Variants in MVB12B observed in about 807,000 individuals in gnomAD.
The protein encoded by MVB12B is multivesicular body subunit 12B.
In MVB12B, 16 loss-of-function variants were observed where a neutral mutation model predicts 41.6. The observed-to-expected ratio is 0.38, with a 90% CI of 0.26 to 0.58. The LOEUF is 0.58. Among genes scored for constraint, MVB12B ranks in the 20% least tolerant of loss-of-function variants. MVB12B has a pLI of 0.62. For synonymous variants in MVB12B, 133 were observed against 139.7 expected (o/e 0.95, Z 0.34); for missense variants, 274 against 380.2 (o/e 0.72, Z 2.32).
intron 7 of MVB12B, among the ~76,000 whole-genome samples, chr9:126,475,329 A>C (rs750206937): frequency 2.0e-4 from 31 of 152,296 alleles, no homozygotes; most frequent in Non-Finnish European, 4.3e-4. Flanking sequence ...CACAGGGGTC[A>C]CTTAAGGTTA....
intron 6 of MVB12B, among the ~76,000 whole-genome samples, chr9:126,408,767 T>A (rs1203644190): frequency 6.6e-6 from 1 of 152,050 alleles, no homozygotes; most frequent in African/African-American, 2.4e-5. Flanking sequence ...TCACGTAGAA[T>A]CACATAGTAT....
chr9:126,436,728 GGC>G lies in MVB12B; in HGVS notation c.757+14781_757+14782del, dbSNP rs1832488594. Among the ~76,000 whole-genome samples the G allele has an allele frequency of 6.6e-6, 1 of 152,204 alleles. No homozygotes were observed. Among genetic ancestry groups the G allele is most frequent in the Non-Finnish European group, 1.5e-5 (1 of 68,038 alleles). ...TGTCTGGCAGTCCAGTCCACTTGTG[GGC>G]ACAGTGGCTGGCCCCTGCAGAGCCT... On this transcript the variant is annotated intron_variant, in intron 7 of 9. Transcript: ENST00000361171. This position sits in a 1 kb window ranked among gnomAD's most constrained non-coding sequence, Gnocchi z 4.1.
At chr9:126,446,369 G>A (rs1034141253) in intron 7 of MVB12B, among the ~76,000 whole-genome samples, 2 of 151,938 alleles carry the variant, frequency 1.3e-5, no homozygotes, top group African/African-American at 4.8e-5. Flanking sequence ...TGCTATTTAA[G>A]TTAGGATTTG....
intron 7 of MVB12B, among the ~76,000 whole-genome samples, chr9:126,453,066 G>T (rs1405830132): frequency 2.0e-5 from 3 of 151,720 alleles, no homozygotes; most frequent in African/African-American, 4.8e-5. Context: ...TATCAAGAGG[G>T]GCTGAAAATG....
At position 126,505,221 on chromosome 9, in the gene MVB12B, G is replaced by A. The variant is rs1457825054; in HGVS notation, c.*1958G>A. ...CCCCCATGACTGGGAAGAGGCCTGTGGCAGCGCCGCTGGACCCTAGGAGGC... is the reference window on the plus strand; with the variant it reads ...CCCCCATGACTGGGAAGAGGCCTGTAGCAGCGCCGCTGGACCCTAGGAGGC... On this transcript the variant is annotated 3_prime_UTR_variant, in exon 10 of 10. Transcript: ENST00000361171. The A allele has an allele frequency of 6.6e-6, 1 of 152,240 alleles. No homozygotes were observed. Among genetic ancestry groups the A allele is most frequent in the East Asian group, 1.9e-4 (1 of 5,196 alleles). 9.4% of individuals were successfully genotyped at this position (152,240 alleles called of 1,614,324 possible).
At chr9:126,482,572 T>C (rs1020260174) in intron 8 of MVB12B, among the ~76,000 whole-genome samples, 3 of 150,828 alleles carry the variant, frequency 2.0e-5, no homozygotes, top group African/African-American at 7.5e-5. Context: ...TCTGTCCTGC[T>C]CACCAGCTCC....
intron 6 of MVB12B, among the ~76,000 whole-genome samples, chr9:126,399,732 C>G (rs1831216077): frequency 6.6e-6 from 1 of 152,182 alleles, no homozygotes; most frequent in Non-Finnish European, 1.5e-5. Context: ...GAGGAGTCCC[C>G]TGGTGGGCTG....
chr9:126,496,219 A>T (rs1455107841), intron 9 of MVB12B, among the ~76,000 whole-genome samples: 1 of 41,528 alleles, frequency 2.4e-5, no homozygotes, highest in Non-Finnish European at 5.0e-5. Context: ...CCGTCCATCC[A>T]CCCACCCATC....
intron 7 of MVB12B, among the ~76,000 whole-genome samples, chr9:126,464,264 C>A (rs1213369250): frequency 6.6e-6 from 1 of 152,118 alleles, no homozygotes; most frequent in African/African-American, 2.4e-5. Context: ...AGTTCACAAG[C>A]AGGTATATAG....
rs1016353605 is a variant in MVB12B, at chr9:126,333,430, G to A, written c.81+6420G>A. ...TTACTTATTTATTTTTTTGAGATGA[G>A]GTCTGGCTCTGTCACCCAGCCTGGA... On this transcript the variant is annotated intron_variant, in intron 1 of 9. Coordinates refer to ENST00000361171, the MANE Select transcript of MVB12B (RefSeq NM_033446.3). This position sits in a 1 kb window ranked among gnomAD's most constrained non-coding sequence, Gnocchi z 4.7. Among the ~76,000 whole-genome samples the A allele has an allele frequency of 6.7e-6, 1 of 149,734 alleles. No individual in the cohort carries two copies. Among genetic ancestry groups the A allele is most frequent in the Non-Finnish European group, 1.5e-5 (1 of 67,512 alleles).
intron 9 of MVB12B, among the ~76,000 whole-genome samples, chr9:126,495,002 G>C (rs1335537760): frequency 1.3e-5 from 2 of 151,968 alleles, no homozygotes; most frequent in African/African-American, 4.8e-5. Flanking sequence ...GATCAGTCTG[G>C]ACAACATGGT....
Position 126,506,323 on chromosome 9 carries a change from T to C in MVB12B, c.*3060T>C, listed in dbSNP as rs1588222306. ...AAAAACAGAGTGACCTGGAAGTAGA[T>C]GTTCTTTGCTCCTTGTCAGAGTTGA... On this transcript the variant is annotated 3_prime_UTR_variant, in exon 10 of 10. Coordinates refer to ENST00000361171, the MANE Select transcript of MVB12B (RefSeq NM_033446.3). 6.7e-6 allele frequency: 1 copy of C among 148,382 alleles called. No homozygotes were observed. The highest frequency in any genetic ancestry group is 2.0e-4 in the East Asian group (1 of 5,096). 9.2% of individuals were successfully genotyped at this position (148,382 alleles called of 1,614,324 possible).
Position 126,401,837 on chromosome 9 carries a change from C to T in MVB12B, c.662+6140C>T, listed in dbSNP as rs145602072. Among the ~76,000 whole-genome samples the T allele has an allele frequency of 7.9e-4, 118 of 149,894 alleles. No individual in the cohort carries two copies. In the East Asian group the frequency reaches 0.019, roughly 24 times the overall value. On this transcript the variant is annotated intron_variant, in intron 6 of 9. Transcript: ENST00000361171. Reference sequence around the variant, plus strand: ...TCGCAGAGTAAGTCAGCAGTTGGGGCGGAGCCTTAGGTCACTGGCTGGAGC... The same window carrying T: ...TCGCAGAGTAAGTCAGCAGTTGGGGTGGAGCCTTAGGTCACTGGCTGGAGC...
chr9:126,486,336 C>T lies in MVB12B; in HGVS notation c.873+2304C>T, dbSNP rs1406413065. ...TATGGACAGCCCATTTGCATGGGGC[C>T]CTGCGTGTGGTGCAGCCCAGGGTAT... On this transcript the variant is annotated intron_variant, in intron 9 of 9. Transcript: ENST00000361171. The surrounding 1 kb of genome is among the most constrained non-coding windows in gnomAD (Gnocchi z 4.7). Among the ~76,000 whole-genome samples the T allele has an allele frequency of 6.6e-6, 1 of 152,118 alleles. No homozygotes were observed. Among genetic ancestry groups the T allele is most frequent in the Non-Finnish European group, 1.5e-5 (1 of 68,020 alleles).
At chr9:126,432,103 C>G (rs1212822765) in intron 7 of MVB12B, among the ~76,000 whole-genome samples, 3 of 152,210 alleles carry the variant, frequency 2.0e-5, no homozygotes, top group Non-Finnish European at 2.9e-5. Flanking sequence ...ACTGCCTTGA[C>G]TGTAACGTTC....
chr9:126,501,817 G>A (rs917781691), intron 9 of MVB12B, among the ~76,000 whole-genome samples: 3 of 152,154 alleles, frequency 2.0e-5, no homozygotes, highest in African/African-American at 4.8e-5. Flanking sequence ...TGCTGCAGGC[G>A]GCTCGCTCTG....
At chr9:126,430,974 G>T (rs1832313924) in intron 7 of MVB12B, among the ~76,000 whole-genome samples, 1 of 152,192 alleles carries the variant, frequency 6.6e-6, no homozygotes, top group South Asian at 2.1e-4. Context: ...TCATAAACCA[G>T]GAAGCAGTGT....
At chr9:126,463,962 C>T (rs980264159) in intron 7 of MVB12B, among the ~76,000 whole-genome samples, 1 of 152,142 alleles carries the variant, frequency 6.6e-6, no homozygotes, top group African/African-American at 2.4e-5. Flanking sequence ...TCATGGAATC[C>T]GAGTAAGGAG....
In MVB12B at chr9:126,426,426, C is replaced by A. The variant is rs187390527; in HGVS notation, c.757+4478C>A. Among the ~76,000 whole-genome samples the A allele has an allele frequency of 5.1e-4, 77 of 152,300 alleles. No individual in the cohort carries two copies. The East Asian group carries it at 0.014, about 29-fold the overall frequency. Reference sequence around the variant, plus strand: ...AGATCTTACCTCTTTGGAGGGCCCTCTTCCGGGTCATGTTGATTTCTCTAG... The same window carrying A: ...AGATCTTACCTCTTTGGAGGGCCCTATTCCGGGTCATGTTGATTTCTCTAG... On this transcript the variant is annotated intron_variant, in intron 7 of 9. Transcript: ENST00000361171.
Sources: allele counts gnomAD v4.1 joint callset (sites outside exome capture counted in the v4.1 genomes callset), GRCh38; gene constraint gnomAD v4.1.1; non-coding constraint Gnocchi (gnomAD v3.1); transcripts MANE v1.5; gene names NCBI Gene and HGNC (gene_info 2026-07-23, HGNC 2026-07-21).